PTPRK: variants seen among roughly 807,000 people sequenced by gnomAD.
PTPRK encodes protein tyrosine phosphatase receptor type K, also known as receptor-type tyrosine-protein phosphatase kappa.
Under a neutral mutation model 178.0 loss-of-function variants are expected in PTPRK, and 75 were observed. The observed-to-expected ratio is 0.42, with a 90% CI of 0.35 to 0.51. The LOEUF (loss-of-function observed/expected upper bound fraction) is 0.51. Among genes scored for constraint, PTPRK ranks in the 20% least tolerant of loss-of-function variants. PTPRK has a pLI of 0.02. For synonymous variants in PTPRK, 637 were observed against 620.6 expected (o/e 1.03, Z -0.39); for missense variants, 1,441 against 1,797.8 (o/e 0.80, Z 3.59).
chr6:128,451,187 A>G (rs189393661), intron 1 of PTPRK, among the ~76,000 whole-genome samples: 88 of 152,368 alleles, frequency 5.8e-4, no homozygotes, highest in Admixed American at 7.8e-4. Flanking sequence ...TGTTTGATAC[A>G]TAATGAAATA....
intron 7 of PTPRK, among the ~76,000 whole-genome samples, chr6:128,145,279 A>G (rs1312722327): frequency 6.6e-6 from 1 of 151,496 alleles, no homozygotes; most frequent in Non-Finnish European, 1.5e-5. Flanking sequence ...CACACACGTA[A>G]TAATAATAAT....
intron 2 of PTPRK, among the ~76,000 whole-genome samples, chr6:128,331,674 C>A (rs1830298828): frequency 6.6e-6 from 1 of 152,032 alleles, no homozygotes; most frequent in Admixed American, 6.6e-5. Flanking sequence ...GAGGTCTATC[C>A]CCTACATCAT....
chr6:128,250,273 T>C (rs1816252789), intron 3 of PTPRK, among the ~76,000 whole-genome samples: 1 of 152,352 alleles, frequency 6.6e-6, no homozygotes, highest in African/African-American at 2.4e-5. Context: ...TCTTCTCTTT[T>C]AGAGAATATT....
intron 13 of PTPRK, among the ~76,000 whole-genome samples, chr6:128,040,630 C>T (rs1007783874): frequency 3.9e-5 from 6 of 151,968 alleles, no homozygotes; most frequent in Non-Finnish European, 7.4e-5. Context: ...ACATTGTTAA[C>T]GAAAAGATAA....
In PTPRK at chr6:128,276,702, G is replaced by A. The variant is rs1042267624; in HGVS notation, c.496-34100C>T. 3.9e-5 allele frequency among the ~76,000 whole-genome samples: 6 copies of A among 151,910 alleles called. No homozygotes were observed. The South Asian group carries it at 1.2e-3, about 32-fold the overall frequency. On this transcript the variant is annotated intron_variant, in intron 3 of 29. Coordinates refer to ENST00000368226, the MANE Select transcript of PTPRK (RefSeq NM_002844.4). ...TCTCTGTAGATCTGGCTTGATTTGG[G>A]GATAGATTTTTAGAAAATGAAGAAA... is the stretch of plus-strand genomic sequence containing the variant.
At chr6:128,116,475 A>G (rs1791541534) in intron 7 of PTPRK, among the ~76,000 whole-genome samples, 1 of 152,236 alleles carries the variant, frequency 6.6e-6, no homozygotes, top group Non-Finnish European at 1.5e-5. Flanking sequence ...TTTTTCAACA[A>G]TAAGATGTGT....
At chr6:128,425,727 C>T (rs919049985) in intron 1 of PTPRK, among the ~76,000 whole-genome samples, 1 of 152,166 alleles carries the variant, frequency 6.6e-6, no homozygotes, top group Non-Finnish European at 1.5e-5. Flanking sequence ...GTCTCCAGAT[C>T]ATGGCTCATC....
At chr6:128,392,897 A>G (rs1224993561) in intron 2 of PTPRK, among the ~76,000 whole-genome samples, 2 of 152,102 alleles carry the variant, frequency 1.3e-5, no homozygotes, top group East Asian at 3.9e-4. Context: ...AAAAATCTCA[A>G]CTCAATATAA....
Position 128,099,194 on chromosome 6 carries a change from A to AT in PTPRK, c.1163-9203dup, listed in dbSNP as rs561083480. 7.5e-3 allele frequency among the ~76,000 whole-genome samples: 1,124 copies of AT among 149,926 alleles called. 17 individuals are homozygous for AT. The highest frequency in any genetic ancestry group is 0.026 in the African/African-American group (1,054 of 41,010). ...ATAATACATTTATATATATATATAT[A>AT]TATTTTTTCTTTTTTATCCAAATCC... On this transcript the variant is annotated intron_variant, in intron 7 of 29. Coordinates refer to ENST00000368226, the MANE Select transcript of PTPRK (RefSeq NM_002844.4).
intron 13 of PTPRK, among the ~76,000 whole-genome samples, chr6:128,026,658 C>T (rs1774359807): frequency 6.6e-6 from 1 of 152,046 alleles, no homozygotes; most frequent in Non-Finnish European, 1.5e-5. Flanking sequence ...TGGCATGCAA[C>T]ATATTATATA....
At chr6:128,186,015 C>A (rs770270558) in intron 6 of PTPRK, among the ~76,000 whole-genome samples, 5 of 152,054 alleles carry the variant, frequency 3.3e-5, no homozygotes, top group Non-Finnish European at 7.4e-5. Flanking sequence ...TTACAAATAA[C>A]CTTAAAATTA....
intron 3 of PTPRK, among the ~76,000 whole-genome samples, chr6:128,287,215 C>T (rs947850355): frequency 6.6e-6 from 1 of 152,108 alleles, no homozygotes; most frequent in African/African-American, 2.4e-5. Context: ...GGCCCAGATA[C>T]TACCAAGAGG....
At chr6:128,365,284 T>A (rs902921784) in intron 2 of PTPRK, among the ~76,000 whole-genome samples, 1 of 152,118 alleles carries the variant, frequency 6.6e-6, no homozygotes, top group South Asian at 2.1e-4. Flanking sequence ...ATCTTATGCA[T>A]ATCTTTATAG....
intron 7 of PTPRK, among the ~76,000 whole-genome samples, chr6:128,106,535 G>T (rs1789748011): frequency 6.7e-6 from 1 of 150,032 alleles, no homozygotes; most frequent in African/African-American, 2.4e-5. Context: ...AAAAAAAAAA[G>T]CACTAAAATC....
chr6:128,144,169 A>AC (rs1796158179), intron 7 of PTPRK, among the ~76,000 whole-genome samples: 2 of 152,032 alleles, frequency 1.3e-5, no homozygotes, highest in Non-Finnish European at 2.9e-5. Context: ...CCTTCCTCAA[A>AC]CATGATGCTT....
At chr6:128,409,772 T>G (rs1842090489) in intron 1 of PTPRK, among the ~76,000 whole-genome samples, 1 of 151,974 alleles carries the variant, frequency 6.6e-6, no homozygotes, top group Admixed American at 6.6e-5. Flanking sequence ...AAAGGGGGCG[T>G]TTTCCTGCAC....
intron 1 of PTPRK, among the ~76,000 whole-genome samples, chr6:128,420,119 C>G (rs1453336538): frequency 6.6e-6 from 1 of 152,144 alleles, no homozygotes; most frequent in African/African-American, 2.4e-5. Context: ...ATTCAGCCTA[C>G]CTTGCACTTT....
chr6:128,008,334 A>AT (rs1345338688), intron 14 of PTPRK, among the ~76,000 whole-genome samples: 5 of 21,770 alleles, frequency 2.3e-4, no homozygotes, highest in East Asian at 1.6e-3. Flanking sequence ...GCTTATAAAT[A>AT]TTTTTTTTAA....
rs763860744 is a variant in PTPRK at position 128,089,992 on chromosome 6, T to C, written c.1163A>G (p.Glu388Gly). Reference sequence around the variant, plus strand: ...TAATGTCTTTGGGGTTCTCATAGGTTCTGAAAAATAAATCAGAGTTGTAGA... The same window carrying C: ...TAATGTCTTTGGGGTTCTCATAGGTCCTGAAAAATAAATCAGAGTTGTAGA... ...PPLITRTKCAEPMRTPKTLKI... is the reference protein window; with the variant it reads ...PPLITRTKCAGPMRTPKTLKI... The change falls in exon 8 of 30, where the codon GAA becomes GGA. Residue 388 changes from glutamate to glycine, a missense_variant and splice_region_variant. By Grantham distance (98) the Glu-to-Gly change is moderately conservative. This residue lies in a region of PTPRK where 945 missense variants were observed against 1,080.6 expected (regional missense o/e 0.87). Coordinates refer to ENST00000368226, the MANE Select transcript of PTPRK (RefSeq NM_002844.4). 4 of 1,592,780 alleles carry C rather than the reference T, an allele frequency of 2.5e-6. No homozygotes were observed. The African/African-American group carries it at 5.4e-5, about 21-fold the overall frequency.
Sources: gnomAD v4.1 joint callset for allele counts (sites outside exome capture counted in the v4.1 genomes callset) on GRCh38, gnomAD v4.1.1 for gene constraint, gnomAD v4.1.1 regional missense constraint, MANE v1.5 for transcripts, NCBI Gene and HGNC (gene_info 2026-07-23, HGNC 2026-07-21) for gene names.